Variants in DAGLB observed in about 807,000 individuals in gnomAD.
DAGLB encodes diacylglycerol lipase beta.
A neutral mutation model predicts 72.1 loss-of-function variants in DAGLB; 66 were observed. The observed-to-expected ratio is 0.92, with a 90% CI of 0.75 to 1.12. DAGLB has a LOEUF of 1.12. Among genes scored for constraint, DAGLB ranks in the 50% most tolerant of loss-of-function variants. The pLI is 0.00. For missense variants in DAGLB, 1,065 were observed against 884.9 expected (o/e 1.20, Z -2.58); for synonymous variants, 414 against 359.5 (o/e 1.15, Z -1.71).
chr7:6,415,845 A>AGG (rs1562478922), intron 11 of DAGLB, among the ~76,000 whole-genome samples: 30 of 139,704 alleles, frequency 2.1e-4, no homozygotes, highest in Non-Finnish European at 4.1e-4. Flanking sequence ...ACTCCGTCTC[A>AGG]AAAAAAAAAA....
Position 6,410,266 on chromosome 7 carries a change from C to T in DAGLB, c.1684G>A (p.Glu562Lys), listed in dbSNP as rs1421102254. Reference protein sequence around the residue: ...QEVLTQPLLGEQSLLTRWSPA... With the variant: ...QEVLTQPLLGKQSLLTRWSPA... Reference sequence around the variant, plus strand: ...GACCAGCGCGTCAGTAGGCTCTGCTCCCCCAGAAGAGGCTGTGTCAGGACT... The same window carrying T: ...GACCAGCGCGTCAGTAGGCTCTGCTTCCCCAGAAGAGGCTGTGTCAGGACT... The change falls in exon 14 of 15, where the codon GAG becomes AAG. Residue 562 changes from glutamate (E) to lysine (K), a missense_variant. Glu to Lys is a moderately conservative substitution (Grantham distance 56). Transcript: ENST00000297056. The T allele has an allele frequency of 1.2e-6, 2 of 1,613,612 alleles. No individual in the cohort carries two copies. The highest frequency in any genetic ancestry group is 1.7e-5 in the Admixed American group (1 of 59,928).
Position 6,410,111 on chromosome 7 carries a change from C to T in DAGLB, c.1820+19G>A, listed in dbSNP as rs774289572. ...GCGCTGCTCCTGCCTGCCCACCACA[C>T]CCACCACGCCGCACTCACCGCCCCG... On this transcript the variant is annotated intron_variant, in intron 14 of 14. Transcript: ENST00000297056. 6 of 1,576,580 alleles carry T rather than the reference C, an allele frequency of 3.8e-6. No homozygotes were observed. The East Asian group carries it at 1.1e-4, about 30-fold the overall frequency.
At chr7:6,446,244 G>A (rs1319183771) in intron 1 of DAGLB, 140 bp from the exon 2 acceptor site, 13 of 706,608 alleles carry the variant, frequency 1.8e-5, no homozygotes, top group Non-Finnish European at 2.5e-5. Flanking sequence ...TGAGGTGGGC[G>A]GATCACAAGG....
chr7:6,413,175 G>A (rs1783789842), intron 11 of DAGLB, 141 bp from the exon 12 acceptor site: 1 of 877,658 alleles, frequency 1.1e-6, no homozygotes, highest in African/African-American at 1.7e-5. Context: ...GAGGGTAGGG[G>A]AAACGTCAGT....
intron 2 of DAGLB, among the ~76,000 whole-genome samples, chr7:6,440,975 G>C (rs1784811221): frequency 6.6e-6 from 1 of 151,612 alleles, no homozygotes; most frequent in South Asian, 2.1e-4. Context: ...TTTTTTTGAG[G>C]GGGGGACGGA....
At chr7:6,442,056 C>G (rs893928800) in intron 2 of DAGLB, among the ~76,000 whole-genome samples, 1 of 152,064 alleles carries the variant, frequency 6.6e-6, no homozygotes, top group African/African-American at 2.4e-5. Flanking sequence ...GCTTTTGGAT[C>G]CTTCCTAGAG....
chr7:6,409,703 G>T lies in DAGLB; in HGVS notation c.*134C>A. ...ATAAACTTAAGTCATTGAGACCATG[G>T]AATTCTGTTCCCATCCGATTCCTGT... On this transcript the variant is annotated 3_prime_UTR_variant, in exon 15 of 15. Coordinates refer to ENST00000297056, the MANE Select transcript of DAGLB (RefSeq NM_139179.4). The T allele has an allele frequency of 9.6e-7, 1 of 1,042,184 alleles. No homozygotes were observed. The highest frequency in any genetic ancestry group is 1.4e-6 in the Non-Finnish European group (1 of 730,194). The allele number at this position is 1,042,184 out of a possible 1,614,324, so 64.6% of individuals were successfully genotyped here.
At chr7:6,415,396 A>C (rs1176961136) in intron 11 of DAGLB, among the ~76,000 whole-genome samples, 1 of 151,926 alleles carries the variant, frequency 6.6e-6, no homozygotes, top group African/African-American at 2.4e-5. Flanking sequence ...CATACTTTTT[A>C]ATCATCCCAA....
Position 6,412,959 on chromosome 7 carries a change from G to A in DAGLB, c.1496+7C>T. 1 of 1,613,870 alleles carries A rather than the reference G, an allele frequency of 6.2e-7. No homozygotes were observed. Among genetic ancestry groups the A allele is most frequent in the Non-Finnish European group, 8.5e-7 (1 of 1,179,894 alleles). On this transcript the variant is annotated splice_region_variant and intron_variant, in intron 12 of 14. Transcript: ENST00000297056. Reference sequence around the variant, plus strand: ...CCAGCCCTGGGCACAGCACCAGGTGGGCTTACCTGGGAATCACATCCTTCC... The same window carrying A: ...CCAGCCCTGGGCACAGCACCAGGTGAGCTTACCTGGGAATCACATCCTTCC...
In DAGLB at chr7:6,409,720, G is replaced by T; in HGVS notation, c.*117C>A. Reference sequence around the variant, plus strand: ...AGACCATGGAATTCTGTTCCCATCCGATTCCTGTTGATGGACATTCGCTGT... The same window carrying T: ...AGACCATGGAATTCTGTTCCCATCCTATTCCTGTTGATGGACATTCGCTGT... On this transcript the variant is annotated 3_prime_UTR_variant, in exon 15 of 15. Coordinates refer to ENST00000297056, the MANE Select transcript of DAGLB (RefSeq NM_139179.4). 8.5e-7 allele frequency: 1 copy of T among 1,173,282 alleles called. No homozygotes were observed. The highest frequency in any genetic ancestry group is 1.2e-6 in the Non-Finnish European group (1 of 841,924). 72.7% of individuals were successfully genotyped at this position (1,173,282 alleles called of 1,614,324 possible). A position where few individuals can be genotyped will look rare whatever the true frequency, so the allele number is the denominator to read the frequency against.
chr7:6,438,863 AATG>A (rs962906702), intron 2 of DAGLB, among the ~76,000 whole-genome samples: 20 of 106,512 alleles, frequency 1.9e-4, no homozygotes, highest in South Asian at 5.7e-4. Flanking sequence ...TAAAAAAGAT[AATG>A]ATGATGATGA....
chr7:6,409,928 A>G lies in DAGLB; in HGVS notation c.1928T>C (p.Ile643Thr). The change falls in exon 15 of 15, where the codon ATC becomes ACC. Residue 643 changes from isoleucine to threonine, a missense_variant. Transcript: ENST00000297056. ...PKMLTDHMPD[I>T]LMRALDSVVS... ...CACGCTGTCCAAGGCCCGCATCAGG[A>G]TGTCTGGCATGTGGTCGGTGAGCAT... The G allele has an allele frequency of 1.9e-6, 3 of 1,614,082 alleles. No homozygotes were observed. Among genetic ancestry groups the G allele is most frequent in the Non-Finnish European group, 2.5e-6 (3 of 1,180,030 alleles).
At chr7:6,433,301 C>A (rs776214682) in intron 4 of DAGLB, among the ~76,000 whole-genome samples, 20 of 152,090 alleles carry the variant, frequency 1.3e-4, no homozygotes, top group Non-Finnish European at 2.8e-4. Flanking sequence ...AGCAATGCAC[C>A]ATTTTAGCCC....
At chr7:6,441,763 C>G (rs1249281767) in intron 2 of DAGLB, among the ~76,000 whole-genome samples, 7 of 152,116 alleles carry the variant, frequency 4.6e-5, no homozygotes, top group African/African-American at 1.7e-4. Context: ...GTGCAACAAA[C>G]TGACAATTAA....
At chr7:6,441,622 T>G (rs1784836855) in intron 2 of DAGLB, among the ~76,000 whole-genome samples, 1 of 150,240 alleles carries the variant, frequency 6.7e-6, no homozygotes, top group African/African-American at 2.5e-5. Flanking sequence ...TTTCACCGTG[T>G]TAGTCAGGAT....
chr7:6,442,365 C>T (rs899124962), intron 2 of DAGLB, among the ~76,000 whole-genome samples: 1 of 151,870 alleles, frequency 6.6e-6, no homozygotes, highest in Non-Finnish European at 1.5e-5. Flanking sequence ...GAAGAGGGAA[C>T]GGAGTGAATA....
intron 7 of DAGLB, among the ~76,000 whole-genome samples, 174 bp downstream of exon 7, chr7:6,425,814 G>A (rs1027274182): frequency 6.6e-6 from 1 of 152,174 alleles, no homozygotes. Flanking sequence ...CCTGCACCAG[G>A]GCATCTGTGT....
chr7:6,416,724 G>C lies in DAGLB; in HGVS notation c.1330C>G (p.Leu444Val), dbSNP rs765687862. 1.2e-6 allele frequency: 2 copies of C among 1,613,594 alleles called. No individual in the cohort carries two copies. Among genetic ancestry groups the C allele is most frequent in the Admixed American group, 3.3e-5 (2 of 59,956 alleles). The change falls in exon 11 of 15, where the codon CTC (leucine) becomes GTC (valine). Residue 444 changes from leucine (L) to valine (V), a missense_variant. By Grantham distance (32) the Leu-to-Val change is conservative (BLOSUM62 1). Transcript: ENST00000297056. ...EYRLVIVGHS[L>V]GGGAAALLAT... ...AGCAGGGCGGCCGCCCCGCCCCCGAGGCTGTGGCCCACTATGACCAGCCGG... is the reference window on the plus strand; with the variant it reads ...AGCAGGGCGGCCGCCCCGCCCCCGACGCTGTGGCCCACTATGACCAGCCGG...
intron 2 of DAGLB, among the ~76,000 whole-genome samples, chr7:6,441,682 G>A (rs1236512121): frequency 1.3e-5 from 2 of 152,070 alleles, no homozygotes; most frequent in African/African-American, 4.8e-5. Context: ...CTCCCAGAGT[G>A]CTGGAATTAC....
Sources: gnomAD v4.1 joint callset for allele counts (sites outside exome capture counted in the v4.1 genomes callset) on GRCh38, gnomAD v4.1.1 for gene constraint, MANE v1.5 for transcripts, NCBI Gene and HGNC (gene_info 2026-07-23, HGNC 2026-07-21) for gene names.